POU2AF2: variants seen among roughly 807,000 people sequenced by gnomAD.
POU2AF2 encodes POU domain class 2-associating factor 2.
At chr11:111,286,142 G>C in the POU2AF2 span, 1 of 1,474,014 alleles carries the variant, frequency 6.8e-7, no homozygotes, top group Non-Finnish European at 9.2e-7. Context: ...TTCAGGACTG[G>C]ATTTTCAGAA....
the POU2AF2 span, among the ~76,000 whole-genome samples, chr11:111,251,350 T>G: frequency 6.6e-6 from 1 of 152,090 alleles, no homozygotes; most frequent in Non-Finnish European, 1.5e-5. Context: ...TCAACTGAGA[T>G]AGGAAAAGTT....
the POU2AF2 span, among the ~76,000 whole-genome samples, chr11:111,264,567 AGAAAGAAAG>A: frequency 4.0e-5 from 2 of 49,882 alleles, no homozygotes; most frequent in Non-Finnish European, 7.7e-5. Flanking sequence ...AAAGAAAGAA[AGAAAGAAAG>A]GGAGAGAGAA....
the POU2AF2 span, among the ~76,000 whole-genome samples, chr11:111,279,259 T>C: frequency 6.6e-6 from 1 of 152,298 alleles, no homozygotes; most frequent in South Asian, 2.1e-4. Context: ...ACCCCATCTT[T>C]CCCTGACCCT....
At chr11:111,257,529 C>T in the POU2AF2 span, among the ~76,000 whole-genome samples, 1 of 151,976 alleles carries the variant, frequency 6.6e-6, no homozygotes, top group Non-Finnish European at 1.5e-5. Context: ...CCACCACGCC[C>T]CACTAATTGT....
At chr11:111,259,749 G>A in the POU2AF2 span, among the ~76,000 whole-genome samples, 6 of 152,170 alleles carry the variant, frequency 3.9e-5, no homozygotes, top group South Asian at 8.3e-4. Flanking sequence ...AGTACGCACC[G>A]GTTCTAACCA....
chr11:111,253,621 C>T, the POU2AF2 span, among the ~76,000 whole-genome samples: 2 of 152,330 alleles, frequency 1.3e-5, no homozygotes, highest in Middle Eastern at 6.8e-3. Context: ...GATCTTCCCG[C>T]AGCTTTGTGA....
At chr11:111,285,933 A>G in the POU2AF2 span, 6 of 1,613,942 alleles carry the variant, frequency 3.7e-6, no homozygotes, top group Non-Finnish European at 5.1e-6. Context: ...CTACCGCCCA[A>G]GGTGGGGCCA....
chr11:111,282,796 G>C, the POU2AF2 span, among the ~76,000 whole-genome samples: 1 of 152,132 alleles, frequency 6.6e-6, no homozygotes, highest in East Asian at 1.9e-4. Flanking sequence ...TGTGACCTAT[G>C]ACCTAAGGGT....
chr11:111,282,926 T>C, the POU2AF2 span, among the ~76,000 whole-genome samples: 1 of 152,212 alleles, frequency 6.6e-6, no homozygotes, highest in Non-Finnish European at 1.5e-5. Context: ...CTGCTACAAC[T>C]GAGCTACGGG....
chr11:111,264,558 A>G, the POU2AF2 span, among the ~76,000 whole-genome samples: 359 of 54,742 alleles, frequency 6.6e-3, 23 homozygotes, highest in African/African-American at 0.018. Context: ...GAAAGAAAGA[A>G]AGAAAGAAAG....
the POU2AF2 span, among the ~76,000 whole-genome samples, chr11:111,256,733 C>T: frequency 6.6e-6 from 1 of 152,210 alleles, no homozygotes; most frequent in Admixed American, 6.5e-5. Context: ...TGGCTGGCTA[C>T]TGTAGTTCAT....
the POU2AF2 span, among the ~76,000 whole-genome samples, chr11:111,258,161 T>C: frequency 9.2e-5 from 14 of 152,206 alleles, no homozygotes; most frequent in Admixed American, 2.6e-4. Flanking sequence ...AATCCAAATC[T>C]AGTCTCTTGA....
At chr11:111,259,410 G>T in the POU2AF2 span, among the ~76,000 whole-genome samples, 2 of 151,634 alleles carry the variant, frequency 1.3e-5, no homozygotes, top group South Asian at 4.2e-4. Flanking sequence ...CTGCCTCCCG[G>T]GCTCAAGCAA....
chr11:111,283,592 C>T, the POU2AF2 span, among the ~76,000 whole-genome samples: 8 of 152,158 alleles, frequency 5.3e-5, no homozygotes, highest in Admixed American at 6.5e-5. Context: ...AATTAGAAGG[C>T]AGAGTACAGC....
At chr11:111,247,191 C>CAGAGAGAGAGAGAGAGAGAGAG in the POU2AF2 span, among the ~76,000 whole-genome samples, 121 of 144,870 alleles carry the variant, frequency 8.4e-4, no homozygotes, top group South Asian at 8.2e-3. Context: ...TACACACACA[C>CAGAGAGAGAGAGAGAGAGAGAG]AGAGAGAGAG....
chr11:111,271,580 C>T, the POU2AF2 span, among the ~76,000 whole-genome samples: 1 of 152,050 alleles, frequency 6.6e-6, no homozygotes, highest in East Asian at 1.9e-4. Flanking sequence ...TGCCACCATG[C>T]TCAGTTAATT....
chr11:111,259,441 G>A, the POU2AF2 span, among the ~76,000 whole-genome samples: 7 of 150,932 alleles, frequency 4.6e-5, no homozygotes, highest in Admixed American at 6.6e-5. Context: ...TCGGCCTCCC[G>A]ATTAGCTGGG....
chr11:111,251,093 G>T, the POU2AF2 span, among the ~76,000 whole-genome samples: 2 of 152,158 alleles, frequency 1.3e-5, no homozygotes, highest in Non-Finnish European at 2.9e-5. Context: ...CTAGACTAGG[G>T]CAGGGTGGAT....
the POU2AF2 span, chr11:111,284,370 T>C: frequency 5.0e-6 from 8 of 1,602,882 alleles, no homozygotes; most frequent in Non-Finnish European, 6.8e-6. Context: ...CCAGCTCACT[T>C]CCTATTTGTG....
Sources: allele counts gnomAD v4.1 joint callset (sites outside exome capture counted in the v4.1 genomes callset), GRCh38; gene constraint gnomAD v4.1.1; transcripts MANE v1.5; gene names NCBI Gene and HGNC (gene_info 2026-07-23, HGNC 2026-07-21).